ATP2C1: variants seen among roughly 807,000 people sequenced by gnomAD.
ATP2C1 encodes ATPase secretory pathway Ca2+ transporting 1.
In ATP2C1, 31 loss-of-function variants were observed where a neutral mutation model predicts 120.5. That is an observed-to-expected ratio of 0.26 (90% CI 0.19 to 0.35). The LOEUF is 0.35. ATP2C1 is among the 10% of genes least tolerant of loss of function. The pLI is 1.00. For synonymous variants in ATP2C1, 351 were observed against 358.7 expected, an observed-to-expected ratio of 0.98 and a Z score of 0.24; for missense variants, 731 against 1,107.5, an observed-to-expected ratio of 0.66 and a Z score of 4.83.
intron 8 of ATP2C1, among the ~76,000 whole-genome samples, chr3:130,952,045 A>T (rs904514890): frequency 6.6e-6 from 1 of 151,548 alleles, no homozygotes; most frequent in Non-Finnish European, 1.5e-5. Flanking sequence ...CATGAAATCC[A>T]CTCTCCCTAA....
At chr3:130,993,642 G>A (rs990862038) in intron 21 of ATP2C1, among the ~76,000 whole-genome samples, 1 of 152,190 alleles carries the variant, frequency 6.6e-6, no homozygotes, top group Non-Finnish European at 1.5e-5. Flanking sequence ...CACATTGTCA[G>A]ATGTCCCTTG....
downstream of ATP2C1, among the ~76,000 whole-genome samples, chr3:131,005,170 C>T (rs1577062716): frequency 7.6e-6 from 1 of 131,062 alleles, no homozygotes; most frequent in Non-Finnish European, 1.5e-5. Flanking sequence ...GGTTGGAGTA[C>T]AGTGGTGTGA....
chr3:130,931,064 A>G (rs1020577215), intron 3 of ATP2C1, among the ~76,000 whole-genome samples: 3 of 152,068 alleles, frequency 2.0e-5, no homozygotes, highest in African/African-American at 7.2e-5. Context: ...AAAAGATAAT[A>G]TTTTTTATTT....
intron 2 of ATP2C1, among the ~76,000 whole-genome samples, chr3:130,923,417 G>A (rs1011548748): frequency 2.0e-5 from 3 of 151,828 alleles, no homozygotes; most frequent in African/African-American, 4.8e-5. Context: ...TAGTAGAAAC[G>A]AGTTTTCACC....
At chr3:130,941,282 A>C (rs1375355647) in intron 7 of ATP2C1, among the ~76,000 whole-genome samples, 1 of 141,860 alleles carries the variant, frequency 7.0e-6, no homozygotes. Flanking sequence ...GTGTGCGCGC[A>C]CGCGCGCATG....
Position 130,894,730 on chromosome 3 carries a change from G to A in ATP2C1, c.-40G>A. On this transcript the variant is annotated 5_prime_UTR_variant, in exon 2 of 28. Coordinates refer to ENST00000510168, the MANE Select transcript of ATP2C1 (RefSeq NM_001378687.1). This position sits in a 1 kb window ranked among gnomAD's most constrained non-coding sequence, Gnocchi z 4.5. The stretch of plus-strand genomic sequence containing the variant: ...CAGTGTGGCCGTGGCTGACACTAAA[G>A]ACTTTGTAGCCATCAACCCGAGTGC... The A allele has an allele frequency of 6.2e-7, 1 of 1,614,172 alleles. No homozygotes were observed. Among genetic ancestry groups the A allele is most frequent in the African/African-American group, 1.3e-5 (1 of 75,058 alleles).
intron 2 of ATP2C1, chr3:130,919,171 T>C: frequency 8.5e-6 from 2 of 236,260 alleles, no homozygotes; most frequent in Non-Finnish European, 1.7e-5. Context: ...GAGGCTGGGC[T>C]GGAGGGAGTG....
At chr3:130,908,660 A>G (rs919782916) in intron 2 of ATP2C1, among the ~76,000 whole-genome samples, 1 of 152,104 alleles carries the variant, frequency 6.6e-6, no homozygotes, top group Admixed American at 6.6e-5. Context: ...ATTAAGAATG[A>G]CTCAGTAGTG....
intron 13 of ATP2C1, among the ~76,000 whole-genome samples, 171 bp from the exon 14 acceptor site, chr3:130,964,777 C>A (rs2060978546): frequency 6.6e-6 from 1 of 151,922 alleles, no homozygotes; most frequent in Admixed American, 6.6e-5. Context: ...AGAAACTGTA[C>A]CTTATGCTGA....
chr3:130,908,134 T>A (rs1394902329), intron 2 of ATP2C1, among the ~76,000 whole-genome samples: 1 of 152,134 alleles, frequency 6.6e-6, no homozygotes, highest in Non-Finnish European at 1.5e-5. Flanking sequence ...TTTGAAGTTT[T>A]TGACACAGTC....
At position 130,867,823 on chromosome 3, in the gene ATP2C1, C is replaced by G. The variant is rs1301916909; in HGVS notation, c.108+16895C>G. 5.3e-4 allele frequency among the ~76,000 whole-genome samples: 70 copies of G among 131,636 alleles called. 1 individual carries two copies. Among genetic ancestry groups the G allele is most frequent in the Non-Finnish European group, 9.8e-5 (6 of 61,456 alleles). The allele number at this position is 131,636 out of a possible 152,430, so 86.4% of individuals were successfully genotyped here. A position where few individuals can be genotyped will look rare whatever the true frequency, so the allele number is the denominator to read the frequency against. On this transcript the variant is annotated intron_variant, in intron 1 of 26. Coordinates refer to the ATP2C1 transcript ENST00000504381. ...AAAGTGAGGAGCGTCTCTGCCCGGCCGCCATCCCATCTAGGAAGCGAGGAG... is the reference window on the plus strand; with the variant it reads ...AAAGTGAGGAGCGTCTCTGCCCGGCGGCCATCCCATCTAGGAAGCGAGGAG...
chr3:130,855,890 C>T (rs1022413402), intron 1 of ATP2C1: 2 of 152,152 alleles, frequency 1.3e-5, no homozygotes, highest in East Asian at 1.9e-4. Context: ...GGAGGAAAGC[C>T]GAGAAGGAGT....
At chr3:130,990,283 C>G (rs1265443259) in intron 20 of ATP2C1, among the ~76,000 whole-genome samples, 2 of 135,428 alleles carry the variant, frequency 1.5e-5, no homozygotes, top group East Asian at 4.8e-4. Context: ...CCCCCCCCCC[C>G]ACAAAAAAAG....
At position 131,003,104 on chromosome 3, in the gene ATP2C1, A is replaced by G. The variant is rs965822279; in HGVS notation, c.*1754A>G. ...TTGATTGAAATAAATGTGCCTATAC[A>G]TTCATTTGCTTTGTACTATAAAAAT... On this transcript the variant is annotated 3_prime_UTR_variant, in exon 28 of 28. Coordinates refer to ENST00000510168, the MANE Select transcript of ATP2C1 (RefSeq NM_001378687.1). 2.0e-6 allele frequency: 2 copies of G among 984,164 alleles called. No homozygotes were observed. Among genetic ancestry groups the G allele is most frequent in the African/African-American group, 1.7e-5 (1 of 57,334 alleles). The allele number at this position is 984,164 out of a possible 1,614,324, so 61.0% of individuals were successfully genotyped here.
At chr3:130,941,466 AAC>A in intron 7 of ATP2C1, 123 bp from the exon 8 acceptor site, 1 of 738,044 alleles carries the variant, frequency 1.4e-6, no homozygotes, top group Non-Finnish European at 2.4e-6. Context: ...AGTGTTTAGA[AAC>A]AGTCTTTTTC....
At chr3:130,979,492 ATTAG>A in intron 19 of ATP2C1, 73 bp downstream of exon 19, 2 of 1,426,242 alleles carry the variant, frequency 1.4e-6, no homozygotes, top group South Asian at 1.2e-5. Flanking sequence ...TTTGTGAACT[ATTAG>A]TTATGAATAT....
chr3:131,001,147 A>G, intron 27 of ATP2C1, 73 bp from the exon 28 acceptor site: 3 of 1,291,296 alleles, frequency 2.3e-6, no homozygotes, highest in East Asian at 2.4e-5. Context: ...AAATGCTAGA[A>G]AAATGTAAGC....
At chr3:130,955,488 C>G (rs1442092316) in intron 10 of ATP2C1, among the ~76,000 whole-genome samples, 1 of 152,118 alleles carries the variant, frequency 6.6e-6, no homozygotes, top group African/African-American at 2.4e-5. Context: ...GTAAAATAAC[C>G]TACAAGATAT....
At chr3:130,898,310 A>G (rs1045723434) in intron 2 of ATP2C1, among the ~76,000 whole-genome samples, 1 of 152,208 alleles carries the variant, frequency 6.6e-6, no homozygotes, top group Non-Finnish European at 1.5e-5. Flanking sequence ...TACTTTTAAA[A>G]GCAGTTTCTT....
Sources: gnomAD v4.1 joint callset for allele counts (sites outside exome capture counted in the v4.1 genomes callset) on GRCh38, gnomAD v4.1.1 for gene constraint, Gnocchi (gnomAD v3.1) non-coding constraint, MANE v1.5 for transcripts, NCBI Gene and HGNC (gene_info 2026-07-23, HGNC 2026-07-21) for gene names.